SLC6A9: variants seen among roughly 807,000 people sequenced by gnomAD.
The protein encoded by SLC6A9 is solute carrier family 6 member 9, also known as sodium- and chloride-dependent glycine transporter 1.
In SLC6A9, 31 loss-of-function variants were observed where a neutral mutation model predicts 70.9. That is an observed-to-expected ratio of 0.44 (90% CI 0.33 to 0.59). The LOEUF is 0.59. Among genes scored for constraint, SLC6A9 ranks in the 20% least tolerant of loss-of-function variants. SLC6A9 has a pLI of 0.04. For missense variants in SLC6A9, 631 were observed against 845.2 expected (o/e 0.75, Z 3.14); for synonymous variants, 310 against 341.3 (o/e 0.91, Z 1.01).
rs201750914 is a variant in SLC6A9, at chr1:44,002,282, G to T, written c.962+31C>A. The stretch of plus-strand genomic sequence containing the variant: ...TCAGGCTGCAGAGAGTGCAGGAAGG[G>T]GGCAGCCTCAGCCCAGCAGGGAGCA... On this transcript the variant is annotated intron_variant, in intron 8 of 13. Coordinates refer to ENST00000372310, the MANE Select transcript of SLC6A9 (RefSeq NM_001024845.3). The surrounding 1 kb of genome is among the most constrained non-coding windows in gnomAD (Gnocchi z 5.5). The T allele has an allele frequency of 2.3e-5, 34 of 1,505,222 alleles. No individual in the cohort carries two copies. The highest frequency in any genetic ancestry group is 1.7e-4 in the Middle Eastern group (1 of 5,864). The allele number at this position is 1,505,222 out of a possible 1,614,324, so 93.2% of individuals were successfully genotyped here.
Position 44,018,550 on chromosome 1 carries a change from C to T in SLC6A9, c.30+5698G>A, listed in dbSNP as rs926190051. On this transcript the variant is annotated intron_variant, in intron 2 of 13. Coordinates refer to ENST00000372310, the MANE Select transcript of SLC6A9 (RefSeq NM_001024845.3). The surrounding 1 kb of genome is among the most constrained non-coding windows in gnomAD (Gnocchi z 4.2). ...TGGAGGTTGCAGTGAGCCGAGATCG[C>T]GCCATTGCATTCCAGCCTGGGCAGC... 4.6e-5 allele frequency among the ~76,000 whole-genome samples: 7 copies of T among 151,332 alleles called. No individual in the cohort carries two copies. In the East Asian group the frequency reaches 5.8e-4, roughly 13 times the overall value.
In SLC6A9 at chr1:44,018,597, A is replaced by AAATAATAATAATAATAAT. The variant is rs143546820; in HGVS notation, c.30+5633_30+5650dup. Among the ~76,000 whole-genome samples the AAATAATAATAATAATAAT allele has an allele frequency of 7.0e-6, 1 of 142,292 alleles. No individual in the cohort carries two copies. The highest frequency in any genetic ancestry group is 2.6e-5 in the African/African-American group (1 of 38,150). The allele number at this position is 142,292 out of a possible 152,430, so 93.3% of individuals were successfully genotyped here. On this transcript the variant is annotated intron_variant, in intron 2 of 13. Transcript: ENST00000372310. This position sits in a 1 kb window ranked among gnomAD's most constrained non-coding sequence, Gnocchi z 4.2. ...CAGCAAGAGCAAAACTCTCTCTCTA[A>AAATAATAATAATAATAAT]AATAATAATAATAATAATAATAATA... is the stretch of plus-strand genomic sequence containing the variant.
chr1:44,027,710 T>G (rs1174226078), intron 1 of SLC6A9, among the ~76,000 whole-genome samples: 1 of 152,230 alleles, frequency 6.6e-6, no homozygotes, highest in Non-Finnish European at 1.5e-5. Flanking sequence ...GAGTGGTGGC[T>G]CACGCCTGTA....
chr1:44,030,990 GC>G (rs1229016028), intron 1 of SLC6A9, among the ~76,000 whole-genome samples: 1 of 150,652 alleles, frequency 6.6e-6, no homozygotes, highest in African/African-American at 2.4e-5. Context: ...GGCGTCTGGC[GC>G]CCCCCCGCCA....
At chr1:44,022,053 G>A (rs2086893570) in intron 2 of SLC6A9, among the ~76,000 whole-genome samples, 1 of 152,268 alleles carries the variant, frequency 6.6e-6, no homozygotes, top group Non-Finnish European at 1.5e-5. Context: ...AGAGCGGGGA[G>A]GAGAGCGAGC....
chr1:44,008,685 T>C, intron 4 of SLC6A9, 62 bp from the exon 5 acceptor site: 1 of 1,357,362 alleles, frequency 7.4e-7, no homozygotes, highest in Non-Finnish European at 1.0e-6. Flanking sequence ...GTGAGGTTAA[T>C]AATTTCTTTT....
rs1385447819 is a variant in SLC6A9, at chr1:43,997,444, G to A, written c.*101C>T. ...AAGGTGACAGCAGCCGTCCTGGCCA[G>A]GGCGTGGCAGGGGGCAGGCAGAGAC... is the stretch of plus-strand genomic sequence containing the variant. On this transcript the variant is annotated 3_prime_UTR_variant, in exon 14 of 14. Transcript: ENST00000372310. The surrounding 1 kb of genome is among the most constrained non-coding windows in gnomAD (Gnocchi z 4.4). 1 of 1,037,682 alleles carries A rather than the reference G, an allele frequency of 9.6e-7. No homozygotes were observed. Among genetic ancestry groups the A allele is most frequent in the South Asian group, 1.3e-5 (1 of 75,940 alleles). 64.3% of individuals were successfully genotyped at this position (1,037,682 alleles called of 1,614,324 possible).
intron 1 of SLC6A9, among the ~76,000 whole-genome samples, chr1:44,027,127 C>T (rs903091664): frequency 2.0e-5 from 3 of 152,086 alleles, no homozygotes; most frequent in Non-Finnish European, 4.4e-5. Context: ...GTGGAAGATC[C>T]ACAACACCAG....
At chr1:44,027,615 G>A (rs542955321) in intron 1 of SLC6A9, among the ~76,000 whole-genome samples, 238 of 152,322 alleles carry the variant, frequency 1.6e-3, no homozygotes, top group African/African-American at 5.6e-3. Context: ...AGAACTCAAA[G>A]GTATCTGCAC....
rs200817470 is a variant in SLC6A9, at chr1:44,002,586, C to T, written c.784G>A (p.Val262Met). 7 of 1,614,142 alleles carry T rather than the reference C, an allele frequency of 4.3e-6. No individual in the cohort carries two copies. Among genetic ancestry groups the T allele is most frequent in the Non-Finnish European group, 5.9e-6 (7 of 1,180,004 alleles). Reference sequence around the variant, plus strand: ...CCGTCAAAGGCTCCCTCCAGGGTCACTCCGCGGACAAACAGAATGGTCAGC... The same window carrying T: ...CCGTCAAAGGCTCCCTCCAGGGTCATTCCGCGGACAAACAGAATGGTCAGC... ...VVLTILFVRG[V>M]TLEGAFDGIM... Residue 262 changes from valine (V) to methionine (M), a missense_variant, in exon 7 of 14, where the codon GTG (valine) becomes ATG (methionine). Transcript: ENST00000372310. The surrounding 1 kb of genome is among the most constrained non-coding windows in gnomAD (Gnocchi z 5.5).
In SLC6A9 at chr1:43,997,918, G is replaced by A. The variant is rs573141764; in HGVS notation, c.1644C>T (p.Val548=). The A allele has an allele frequency of 6.2e-7, 1 of 1,614,182 alleles. No homozygotes were observed. Among genetic ancestry groups the A allele is most frequent in the Admixed American group, 1.7e-5 (1 of 60,018 alleles). Residue 548 remains valine, a synonymous_variant, in exon 13 of 14, where the codon GTC becomes GTT. Transcript: ENST00000372310. This position sits in a 1 kb window ranked among gnomAD's most constrained non-coding sequence, Gnocchi z 4.4. ...ACATGGCGTAGAGGGGGATGCAGAG[G>A]ACGGAGGACAGAGCCATGAGGAAGC... ...AIGFLMALSS[V]LCIPLYAMFR...
rs1000843326 is a variant in SLC6A9, at chr1:44,013,485, C to T, written c.31-2603G>A. On this transcript the variant is annotated intron_variant, in intron 2 of 13. Coordinates refer to ENST00000372310, the MANE Select transcript of SLC6A9 (RefSeq NM_001024845.3). This position sits in a 1 kb window ranked among gnomAD's most constrained non-coding sequence, Gnocchi z 5.3. ...TAACCCAGGGAGGCCACAGCCCCCGCGACAGGGCTGAACCGGGGTTGGCGA... is the reference window on the plus strand; with the variant it reads ...TAACCCAGGGAGGCCACAGCCCCCGTGACAGGGCTGAACCGGGGTTGGCGA... Among the ~76,000 whole-genome samples the T allele has an allele frequency of 2.0e-5, 3 of 152,230 alleles. No individual in the cohort carries two copies. The highest frequency in any genetic ancestry group is 2.9e-5 in the Non-Finnish European group (2 of 68,038).
intron 2 of SLC6A9, chr1:44,015,871 C>G (rs949104237): frequency 3.0e-6 from 3 of 985,296 alleles, no homozygotes; most frequent in African/African-American, 1.7e-5. Flanking sequence ...AAATCTCCCC[C>G]GGGCCGAGCA....
At chr1:44,005,926 T>C (rs1180456968) in intron 5 of SLC6A9, among the ~76,000 whole-genome samples, 3 of 151,976 alleles carry the variant, frequency 2.0e-5, no homozygotes, top group African/African-American at 7.3e-5. Context: ...GGGAGTAGAG[T>C]GCAGCGGCTC....
chr1:44,001,200 C>T lies in SLC6A9; in HGVS notation c.1299G>A (p.Val433=). The T allele has an allele frequency of 1.2e-6, 2 of 1,614,208 alleles. No individual in the cohort carries two copies. Among genetic ancestry groups the T allele is most frequent in the Non-Finnish European group, 1.7e-6 (2 of 1,180,036 alleles). ...KKTYVTLGVA[V]AGFLLGIPLT... is the part of the protein sequence containing the mutation. ...GGGGGATGCCCAGCAGGAAGCCAGC[C>T]ACAGCCACGCCCAAGGTCACATAGG... Residue 433 remains valine (V), a synonymous_variant, in exon 10 of 14, where the codon GTG becomes GTA. Transcript: ENST00000372310.
At position 44,008,358 on chromosome 1, in the gene SLC6A9, G is replaced by A; in HGVS notation, c.585C>T (p.Tyr195=). ...AGGTCCTGCAGGTGCCTCACCTCCA[G>A]TACTCCTCGCTGGGGCTGGTCCTCT... ...SLQRTSPSEE[Y]WRLYVLKLSD... Residue 195 remains tyrosine (Y), a synonymous_variant, in exon 5 of 14, where the codon TAC becomes TAT. Transcript: ENST00000372310. The A allele has an allele frequency of 6.2e-7, 1 of 1,614,032 alleles. No homozygotes were observed. The highest frequency in any genetic ancestry group is 1.1e-5 in the South Asian group (1 of 91,072).
At position 43,997,999 on chromosome 1, in the gene SLC6A9, C is replaced by A; in HGVS notation, c.1563G>T (p.Gln521His). ...IFFILVFTVI[Q>H]YQPITYNHYQ... ...AGTGGTTGTAGGTGATCGGCTGGTA[C>A]TGGATCACAGTGAAAACTAGAATAA... The change falls in exon 13 of 14, where the codon CAG (glutamine) becomes CAT (histidine). Residue 521 changes from glutamine to histidine, a missense_variant. Coordinates refer to ENST00000372310, the MANE Select transcript of SLC6A9 (RefSeq NM_001024845.3). The surrounding 1 kb of genome is among the most constrained non-coding windows in gnomAD (Gnocchi z 4.4). 1 of 1,613,758 alleles carries A rather than the reference C, an allele frequency of 6.2e-7. No individual in the cohort carries two copies. Among genetic ancestry groups the A allele is most frequent in the Non-Finnish European group, 8.5e-7 (1 of 1,179,746 alleles).
rs533620228 is a variant in SLC6A9 at position 44,026,136 on chromosome 1, C to T, written c.-85-1774G>A. On this transcript the variant is annotated intron_variant, in intron 1 of 13. Transcript: ENST00000372310. The stretch of plus-strand genomic sequence containing the variant: ...AGATGTGACCCAGGCTGGCCTGTGG[C>T]TCAACTTGTCCTCCTAAAGAGGTTC... 2.0e-5 allele frequency among the ~76,000 whole-genome samples: 3 copies of T among 152,356 alleles called. No homozygotes were observed. In the South Asian group the frequency reaches 6.2e-4, roughly 32 times the overall value.
intron 2 of SLC6A9, among the ~76,000 whole-genome samples, chr1:44,015,540 G>A (rs1170565521): frequency 1.3e-5 from 2 of 152,358 alleles, no homozygotes; most frequent in East Asian, 3.9e-4. Flanking sequence ...CTGACTTTGA[G>A]CCAAATCAGA....
Sources: gnomAD v4.1 joint callset for allele counts (sites outside exome capture counted in the v4.1 genomes callset) on GRCh38, gnomAD v4.1.1 for gene constraint, Gnocchi (gnomAD v3.1) non-coding constraint, MANE v1.5 for transcripts, NCBI Gene and HGNC (gene_info 2026-07-23, HGNC 2026-07-21) for gene names.